The following ERC1 variants were observed in gnomAD, a reference collection of about 807,000 sequenced individuals.
ERC1 encodes the protein ELKS/RAB6-interacting/CAST family member 1, also known as RAB6 interacting protein 2.
A neutral mutation model predicts 132.0 loss-of-function variants in ERC1; 56 were observed. The ratio of observed to expected loss-of-function variants is 0.42; its 90% CI spans 0.34 to 0.53. The LOEUF (loss-of-function observed/expected upper bound fraction) is 0.53, where lower values mean the gene tolerates loss of function less well. Among genes scored for constraint, ERC1 ranks in the 20% least tolerant of loss-of-function variants. The pLI is 0.03. For synonymous variants in ERC1, 478 were observed against 476.1 expected (o/e 1.00, Z -0.05); for missense variants, 1,202 against 1,349.9 (o/e 0.89, Z 1.72).
intron 3 of ERC1, among the ~76,000 whole-genome samples, chr12:1,092,001 C>CTT (rs34377863): frequency 7.2e-5 from 10 of 138,098 alleles, no homozygotes; most frequent in African/African-American, 1.0e-4. Flanking sequence ...TTAATCAATT[C>CTT]TTTTTTTTTT....
At chr12:1,184,717 G>A (rs1954875881) in intron 11 of ERC1, among the ~76,000 whole-genome samples, 1 of 152,174 alleles carries the variant, frequency 6.6e-6, no homozygotes, top group African/African-American at 2.4e-5. Context: ...GGAAAGGATT[G>A]AAACTCAACT....
At chr12:1,298,424 T>G (rs1366296270) in intron 15 of ERC1, among the ~76,000 whole-genome samples, 1 of 151,468 alleles carries the variant, frequency 6.6e-6, no homozygotes, top group Non-Finnish European at 1.5e-5. Flanking sequence ...GTGTCTGTTA[T>G]CCCAGCTACT....
intron 1 of ERC1, among the ~76,000 whole-genome samples, chr12:1,001,946 C>T (rs1260279843): frequency 1.3e-5 from 2 of 149,918 alleles, no homozygotes; most frequent in Admixed American, 6.7e-5. Context: ...CTGCAACCAC[C>T]GTCTCCTGGG....
intron 11 of ERC1, among the ~76,000 whole-genome samples, chr12:1,185,779 G>A (rs1217028515): frequency 6.6e-6 from 1 of 151,094 alleles, no homozygotes; most frequent in Non-Finnish European, 1.5e-5. Context: ...AAATAGAAAG[G>A]CTTCTCTAAG....
chr12:1,131,949 G>A (rs4511333), intron 7 of ERC1, among the ~76,000 whole-genome samples: 142,048 of 152,214 alleles, frequency 0.93, 67,045 homozygotes, highest in East Asian at 1. Flanking sequence ...AGCTCTGCTG[G>A]TGTGAATAAA....
At chr12:1,209,460 G>A (rs1957661935) in intron 12 of ERC1, among the ~76,000 whole-genome samples, 2 of 146,138 alleles carry the variant, frequency 1.4e-5, no homozygotes, top group Non-Finnish European at 3.0e-5. Context: ...GTCACCATTT[G>A]TAGCCTGTTG....
chr12:1,125,528 G>A (rs550739759), intron 7 of ERC1, among the ~76,000 whole-genome samples: 3 of 152,078 alleles, frequency 2.0e-5, no homozygotes, highest in African/African-American at 7.2e-5. Context: ...AAAACACCAA[G>A]CAGTCGGCCG....
At chr12:1,470,519 G>A (rs948829009) in intron 18 of ERC1, among the ~76,000 whole-genome samples, 2 of 151,496 alleles carry the variant, frequency 1.3e-5, no homozygotes, top group Admixed American at 6.6e-5. Context: ...AAATACGCTA[G>A]GCGGACTAGC....
At chr12:1,126,258 A>G (rs147336411) in intron 7 of ERC1, among the ~76,000 whole-genome samples, 272 of 152,346 alleles carry the variant, frequency 1.8e-3, no homozygotes, top group African/African-American at 6.2e-3. Context: ...ACAGAGTCAT[A>G]AACCAAACGA....
At chr12:1,276,714 T>A (rs1383747251) in intron 14 of ERC1, among the ~76,000 whole-genome samples, 1 of 152,226 alleles carries the variant, frequency 6.6e-6, no homozygotes, top group African/African-American at 2.4e-5. Context: ...ATCCTCAGCG[T>A]CTACCATTGC....
chr12:1,426,896 T>C (rs1254253430), intron 17 of ERC1, among the ~76,000 whole-genome samples: 2 of 152,022 alleles, frequency 1.3e-5, no homozygotes, highest in Non-Finnish European at 2.9e-5. Context: ...TTTTTCTCCA[T>C]AGAAGTATCA....
intron 15 of ERC1, among the ~76,000 whole-genome samples, chr12:1,341,089 T>C (rs1419259181): frequency 0.34 from 24,853 of 73,930 alleles, 4,340 homozygotes; most frequent in Middle Eastern, 0.46. Flanking sequence ...TTTTTTTTTT[T>C]TTTTTTTTTT....
At chr12:1,196,459 G>T (rs1254688100) in intron 12 of ERC1, among the ~76,000 whole-genome samples, 1 of 150,370 alleles carries the variant, frequency 6.7e-6, no homozygotes, top group African/African-American at 2.4e-5. Context: ...TGACTTTTTG[G>T]GTTGGGGGGG....
chr12:1,484,163 A>G (rs1000195363), intron 18 of ERC1, among the ~76,000 whole-genome samples: 68 of 151,848 alleles, frequency 4.5e-4, no homozygotes, highest in South Asian at 8.3e-4. Flanking sequence ...AAATTAGCCG[A>G]GCGTGGTAGC....
At chr12:1,184,453 C>T (rs551120886) in intron 11 of ERC1, among the ~76,000 whole-genome samples, 4 of 151,802 alleles carry the variant, frequency 2.6e-5, no homozygotes, top group South Asian at 2.1e-4. Context: ...GACTATTTGG[C>T]GTATTTTCTT....
chr12:1,200,752 G>T (rs1027054412), intron 12 of ERC1, among the ~76,000 whole-genome samples: 1 of 151,996 alleles, frequency 6.6e-6, no homozygotes, highest in African/African-American at 2.4e-5. Flanking sequence ...TAGAGATGGG[G>T]TTTCACCGTG....
chr12:1,366,466 G>A (rs960616102), intron 15 of ERC1, among the ~76,000 whole-genome samples: 3 of 152,198 alleles, frequency 2.0e-5, no homozygotes, highest in Admixed American at 6.5e-5. Flanking sequence ...TTTTGAAGGA[G>A]AGAAAGCTAC....
intron 15 of ERC1, among the ~76,000 whole-genome samples, chr12:1,291,555 CTG>C (rs1163481021): frequency 1.3e-5 from 2 of 152,166 alleles, no homozygotes. Context: ...TGCAGGGAGA[CTG>C]AAACATGCGT....
intron 8 of ERC1, among the ~76,000 whole-genome samples, chr12:1,171,978 T>G (rs1953112730): frequency 6.6e-6 from 1 of 152,226 alleles, no homozygotes; most frequent in Admixed American, 6.5e-5. Context: ...AGCTTTGCAG[T>G]CAGCATTAGA....
Sources: allele counts gnomAD v4.1 joint callset (sites outside exome capture counted in the v4.1 genomes callset), GRCh38; gene constraint gnomAD v4.1.1; transcripts MANE v1.5; gene names NCBI Gene and HGNC (gene_info 2026-07-23, HGNC 2026-07-21).